KCTD16: variants seen among roughly 807,000 people sequenced by gnomAD.
KCTD16 encodes the protein potassium channel tetramerization domain containing 16.
Under a neutral mutation model 33.2 loss-of-function variants are expected in KCTD16, and 13 were observed. The observed-to-expected ratio is 0.39, with a 90% CI of 0.25 to 0.62. The LOEUF (loss-of-function observed/expected upper bound fraction) is 0.62. Ranked by LOEUF, KCTD16 falls within the 20% of genes least tolerant of loss-of-function variation. The pLI is 0.50. For missense variants in KCTD16, 441 were observed against 525.1 expected, an observed-to-expected ratio of 0.84 and a Z score of 1.57; for synonymous variants, 197 against 195.3, an observed-to-expected ratio of 1.01 and a Z score of -0.07.
At chr5:144,253,709 T>C (rs942262805) in intron 3 of KCTD16, among the ~76,000 whole-genome samples, 10 of 152,120 alleles carry the variant, frequency 6.6e-5, no homozygotes, top group Admixed American at 2.6e-4. Context: ...GGAGAGAGAC[T>C]TAAAAGAAGC....
chr5:144,219,515 T>G (rs911157999), intron 3 of KCTD16, among the ~76,000 whole-genome samples: 2 of 122,338 alleles, frequency 1.6e-5, no homozygotes, highest in Non-Finnish European at 3.7e-5. Flanking sequence ...TGCTGGGCCT[T>G]TTTTTTTTTT....
intron 3 of KCTD16, among the ~76,000 whole-genome samples, chr5:144,258,240 G>T (rs937680237): frequency 2.1e-4 from 32 of 151,950 alleles, no homozygotes; most frequent in African/African-American, 7.7e-4. Flanking sequence ...ATGCATTGTA[G>T]TTCCTGCTGT....
At chr5:144,325,462 A>G (rs1017921956) in intron 3 of KCTD16, among the ~76,000 whole-genome samples, 1 of 151,976 alleles carries the variant, frequency 6.6e-6, no homozygotes, top group Non-Finnish European at 1.5e-5. Context: ...CCACCTCCTG[A>G]TGAACCCTCT....
At chr5:144,234,911 C>T (rs1416442498) in intron 3 of KCTD16, among the ~76,000 whole-genome samples, 1 of 152,056 alleles carries the variant, frequency 6.6e-6, no homozygotes, top group Non-Finnish European at 1.5e-5. Context: ...AAACCAATCT[C>T]TCCCTAAAGA....
At chr5:144,444,699 T>A (rs534809282) in intron 3 of KCTD16, among the ~76,000 whole-genome samples, 1 of 152,000 alleles carries the variant, frequency 6.6e-6, no homozygotes, top group South Asian at 2.1e-4. Flanking sequence ...TATCAAAAAA[T>A]CTAATGATAA....
intron 3 of KCTD16, among the ~76,000 whole-genome samples, chr5:144,273,679 G>C (rs1755363235): frequency 6.8e-6 from 1 of 146,810 alleles, no homozygotes; most frequent in Non-Finnish European, 1.5e-5. Flanking sequence ...GTCACAAAAA[G>C]ACAAATACTT....
In KCTD16 at chr5:144,208,827, T is replaced by A. The variant is rs1286525202; in HGVS notation, c.832+1281T>A. Reference sequence around the variant, plus strand: ...CTGTGGAAAAAAACGAAATCAGTAATCAGTTCAGGAGTATATTGATGTGCG... The same window carrying A: ...CTGTGGAAAAAAACGAAATCAGTAAACAGTTCAGGAGTATATTGATGTGCG... On this transcript the variant is annotated intron_variant, in intron 3 of 3. Transcript: ENST00000512467. Among the ~76,000 whole-genome samples the A allele has an allele frequency of 2.6e-5, 4 of 152,230 alleles. No individual in the cohort carries two copies. In the East Asian group the frequency reaches 7.7e-4, roughly 29 times the overall value.
chr5:144,339,002 C>T (rs540283088), intron 3 of KCTD16, among the ~76,000 whole-genome samples: 79 of 152,242 alleles, frequency 5.2e-4, no homozygotes, highest in African/African-American at 1.9e-3. Context: ...TTATCCATCC[C>T]CTGGAACGTG....
intron 3 of KCTD16, among the ~76,000 whole-genome samples, chr5:144,297,923 G>A (rs1756090195): frequency 6.6e-6 from 1 of 152,110 alleles, no homozygotes; most frequent in Non-Finnish European, 1.5e-5. Flanking sequence ...GTCCAACTCG[G>A]CTAGAGCTGA....
chr5:144,323,206 C>G (rs1163459100), intron 3 of KCTD16, among the ~76,000 whole-genome samples: 1 of 152,144 alleles, frequency 6.6e-6, no homozygotes, highest in East Asian at 1.9e-4. Context: ...AACCTCAATA[C>G]TATACTTTTA....
At chr5:144,378,187 A>G (rs1262637777) in intron 3 of KCTD16, among the ~76,000 whole-genome samples, 1 of 152,190 alleles carries the variant, frequency 6.6e-6, no homozygotes, top group Non-Finnish European at 1.5e-5. Context: ...AAGGAAGACT[A>G]CTAGCCTGGA....
intron 3 of KCTD16, among the ~76,000 whole-genome samples, chr5:144,322,079 T>C (rs1752085926): frequency 6.6e-6 from 1 of 152,184 alleles, no homozygotes; most frequent in African/African-American, 2.4e-5. Flanking sequence ...TTACATCACA[T>C]GATTGATCTC....
At chr5:144,433,699 C>T (rs973382504) in intron 3 of KCTD16, among the ~76,000 whole-genome samples, 22 of 152,188 alleles carry the variant, frequency 1.4e-4, no homozygotes, top group Admixed American at 1.3e-3. Context: ...GGTCCTCCTA[C>T]TTCAGCTTTA....
At chr5:144,355,185 A>G (rs561611634) in intron 3 of KCTD16, among the ~76,000 whole-genome samples, 3 of 152,202 alleles carry the variant, frequency 2.0e-5, no homozygotes. Context: ...TTATACAGAT[A>G]GGAATTTTCA....
chr5:144,480,559 G>A lies in KCTD16; in HGVS notation c.*6445G>A, dbSNP rs1168382605. The A allele has an allele frequency of 1.3e-5, 2 of 151,944 alleles. No individual in the cohort carries two copies. The highest frequency in any genetic ancestry group is 2.9e-5 in the Non-Finnish European group (2 of 67,926). 9.4% of individuals were successfully genotyped at this position (151,944 alleles called of 1,614,324 possible). Reference sequence around the variant, plus strand: ...ATACCCTTTAGGTGAGAGACAGAGAGAAACAATTTCAGGAAACTCTCCTTG... The same window carrying A: ...ATACCCTTTAGGTGAGAGACAGAGAAAAACAATTTCAGGAAACTCTCCTTG... On this transcript the variant is annotated 3_prime_UTR_variant, in exon 4 of 4. Transcript: ENST00000512467.
At chr5:144,407,394 CTT>C (rs1276453747) in intron 3 of KCTD16, among the ~76,000 whole-genome samples, 2 of 150,766 alleles carry the variant, frequency 1.3e-5, no homozygotes, top group African/African-American at 4.9e-5. Flanking sequence ...TTTGAAAAAA[CTT>C]AGGTTCAGGA....
At chr5:144,219,232 A>C (rs1342891529) in intron 3 of KCTD16, among the ~76,000 whole-genome samples, 2 of 151,556 alleles carry the variant, frequency 1.3e-5, no homozygotes, top group Non-Finnish European at 2.9e-5. Flanking sequence ...TTATTTTTTG[A>C]GATGGAGTCT....
rs191141568 is a variant in KCTD16 at position 144,210,626 on chromosome 5, A to G, written c.832+3080A>G. Among the ~76,000 whole-genome samples, 20 of 152,284 alleles carry G rather than the reference A, an allele frequency of 1.3e-4. No homozygotes were observed. In the East Asian group the frequency reaches 3.5e-3, roughly 26 times the overall value. The stretch of plus-strand genomic sequence containing the variant: ...TGATTCACCTCTAAATAAAATGAGA[A>G]CTATGTAATCTGCAAAAGACAAGTC... On this transcript the variant is annotated intron_variant, in intron 3 of 3. Coordinates refer to ENST00000512467, the MANE Select transcript of KCTD16 (RefSeq NM_020768.4).
intron 3 of KCTD16, among the ~76,000 whole-genome samples, chr5:144,357,186 G>A (rs1751590005): frequency 6.6e-6 from 1 of 151,938 alleles, no homozygotes; most frequent in African/African-American, 2.4e-5. Context: ...TACGTCACAA[G>A]GCTGCCAGTC....
Sources: gnomAD v4.1 joint callset for allele counts (sites outside exome capture counted in the v4.1 genomes callset) on GRCh38, gnomAD v4.1.1 for gene constraint, MANE v1.5 for transcripts, NCBI Gene and HGNC (gene_info 2026-07-23, HGNC 2026-07-21) for gene names.